Variants in OGDH observed in about 807,000 individuals in gnomAD.
The protein encoded by OGDH is oxoglutarate dehydrogenase.
A neutral mutation model predicts 116.6 loss-of-function variants in OGDH; 38 were observed. That is an observed-to-expected ratio of 0.33 (90% CI 0.25 to 0.43). The LOEUF (loss-of-function observed/expected upper bound fraction) is 0.43. Ranked by LOEUF, OGDH falls within the 20% of genes least tolerant of loss-of-function variation. The probability of loss-of-function intolerance (pLI) is 1.00; values close to 1 mark genes in which losing one functional copy is unlikely to be tolerated. For synonymous variants in OGDH, 488 were observed against 533.3 expected, an observed-to-expected ratio of 0.92 and a Z score of 1.17; for missense variants, 825 against 1,357.2, an observed-to-expected ratio of 0.61 and a Z score of 6.16.
rs372359941 is a variant in OGDH, at chr7:44,624,455, C to A, written c.112C>A (p.Arg38=). The change falls in exon 2 of 23, where the codon CGG becomes AGG. Residue 38 remains arginine (R), a synonymous_variant. Transcript: ENST00000222673. ...PAAARTFQQI[R]CYSAPVAAEP... ...AGCAGCTAGGACATTTCAACAGATT[C>A]GGTGCTATTCTGCACCTGTTGCTGC... 1 of 1,613,600 alleles carries A rather than the reference C, an allele frequency of 6.2e-7. No individual in the cohort carries two copies. Among genetic ancestry groups the A allele is most frequent in the South Asian group, 1.1e-5 (1 of 91,026 alleles).
At chr7:44,679,463 T>C (rs925966489) in intron 9 of OGDH, among the ~76,000 whole-genome samples, 4 of 152,174 alleles carry the variant, frequency 2.6e-5, no homozygotes, top group Admixed American at 6.5e-5. Context: ...TTAAAAATTC[T>C]AGGTTTTGTC....
rs146542100 is a variant in OGDH, at chr7:44,694,244, G to T, written c.1516-180G>T. On this transcript the variant is annotated intron_variant, in intron 11 of 22. Coordinates refer to ENST00000222673, the MANE Select transcript of OGDH (RefSeq NM_002541.4). The surrounding 1 kb of genome is among the most constrained non-coding windows in gnomAD (Gnocchi z 4.2). ...AGGGCCACTCCTCATTGACAGAGCAGCTCTACTGTGTGAAGGAGAGATACA... is the reference window on the plus strand; with the variant it reads ...AGGGCCACTCCTCATTGACAGAGCATCTCTACTGTGTGAAGGAGAGATACA... Among the ~76,000 whole-genome samples, 409 of 152,258 alleles carry T rather than the reference G, an allele frequency of 2.7e-3. 4 individuals are homozygous for T. The highest frequency in any genetic ancestry group is 9.2e-3 in the African/African-American group (383 of 41,562).
chr7:44,672,959 A>G (rs926971534), intron 5 of OGDH, among the ~76,000 whole-genome samples: 1 of 151,842 alleles, frequency 6.6e-6, no homozygotes, highest in South Asian at 2.1e-4. Context: ...GACTTCTAAG[A>G]GCCTGGTGCC....
chr7:44,679,638 G>GT (rs956957787), intron 9 of OGDH, among the ~76,000 whole-genome samples: 3 of 151,886 alleles, frequency 2.0e-5, no homozygotes, highest in African/African-American at 7.3e-5. Flanking sequence ...CAGCGTCCAG[G>GT]TTTTTTTTGC....
intron 5 of OGDH, among the ~76,000 whole-genome samples, chr7:44,670,424 A>G (rs1051059619): frequency 2.6e-5 from 4 of 152,030 alleles, no homozygotes; most frequent in Non-Finnish European, 5.9e-5. Flanking sequence ...TGGGTTTGCA[A>G]CTCAGGCATG....
In OGDH at chr7:44,707,833, A is replaced by C; in HGVS notation, c.2952-46A>C. On this transcript the variant is annotated intron_variant, in intron 22 of 22. Coordinates refer to ENST00000222673, the MANE Select transcript of OGDH (RefSeq NM_002541.4). The surrounding 1 kb of genome is among the most constrained non-coding windows in gnomAD (Gnocchi z 5.2). ...ATGCAGCAGAGGGATGGGCTGGGCC[A>C]ACTCAGTGTCCCCTGCCCTCACTGC... 2 of 1,608,598 alleles carry C rather than the reference A, an allele frequency of 1.2e-6. No individual in the cohort carries two copies. Among genetic ancestry groups the C allele is most frequent in the African/African-American group, 2.7e-5 (2 of 74,998 alleles).
At chr7:44,674,848 T>C in intron 7 of OGDH, 1 of 533,222 alleles carries the variant, frequency 1.9e-6, no homozygotes, top group South Asian at 2.2e-5. Context: ...TGTTGGGGTC[T>C]AACCTGGAGG....
intron 1 of OGDH, among the ~76,000 whole-genome samples, chr7:44,622,564 CTT>C (rs1034826733): frequency 7.2e-5 from 11 of 152,158 alleles, no homozygotes; most frequent in African/African-American, 2.2e-4. Context: ...AGCCCTCTCT[CTT>C]GGTGTCCCTT....
chr7:44,674,046 G>C lies in OGDH; in HGVS notation c.788+105G>C. 4 of 1,325,644 alleles carry C rather than the reference G, an allele frequency of 3.0e-6. No individual in the cohort carries two copies. The South Asian group carries it at 5.3e-5, about 18-fold the overall frequency. 82.1% of individuals were successfully genotyped at this position (1,325,644 alleles called of 1,614,324 possible). On this transcript the variant is annotated intron_variant, in intron 6 of 22. Transcript: ENST00000222673. ...CAGCCTGTTGGCCGAGGTGAGAGGG[G>C]GTTTGGGGTGGTACAGGCAAAGCTC... is the stretch of plus-strand genomic sequence containing the variant.
intron 4 of OGDH, among the ~76,000 whole-genome samples, chr7:44,649,981 G>T (rs1786362172): frequency 6.6e-6 from 1 of 152,128 alleles, no homozygotes; most frequent in South Asian, 2.1e-4. Context: ...TACAGAAGTG[G>T]CCCTAAAGCT....
intron 10 of OGDH, among the ~76,000 whole-genome samples, chr7:44,689,401 T>C (rs1305267737): frequency 4.4e-5 from 6 of 137,930 alleles, no homozygotes; most frequent in Admixed American, 7.2e-5. Flanking sequence ...TCTTTTTTTT[T>C]TTTTTTTTTT....
chr7:44,636,034 C>T (rs548070089), intron 2 of OGDH, among the ~76,000 whole-genome samples: 14 of 152,312 alleles, frequency 9.2e-5, no homozygotes, highest in African/African-American at 3.1e-4. Flanking sequence ...GCTGCAAATG[C>T]AGGACCATCA....
At chr7:44,685,216 A>G in intron 10 of OGDH, among the ~76,000 whole-genome samples, 1 of 152,212 alleles carries the variant, frequency 6.6e-6, no homozygotes, top group East Asian at 1.9e-4. Flanking sequence ...CATCTCCAAA[A>G]CTGTTTCGTC....
rs1317570502 is a variant in OGDH, at chr7:44,707,706, G to A, written c.2921G>A (p.Arg974Gln). The change falls in exon 22 of 23, where the codon CGG (arginine) becomes CAG (glutamine). Residue 974 changes from arginine to glutamine, a missense_variant. Physicochemically the swap from Arg to Gln is conservative, Grantham distance 43. This residue lies in a region of OGDH where 212 missense variants were observed against 284.3 expected (regional missense o/e 0.75). Coordinates refer to ENST00000222673, the MANE Select transcript of OGDH (RefSeq NM_002541.4). This position sits in a 1 kb window ranked among gnomAD's most constrained non-coding sequence, Gnocchi z 5.2. ...GYYDYVKPRLRTTISRAKPVW... is the reference protein window; with the variant it reads ...GYYDYVKPRLQTTISRAKPVW... ...TATGACTACGTGAAGCCAAGACTTC[G>A]GACCACCATCAGCCGCGCCAAGCCC... The A allele has an allele frequency of 3.7e-6, 6 of 1,614,154 alleles. No homozygotes were observed. The highest frequency in any genetic ancestry group is 5.1e-6 in the Non-Finnish European group (6 of 1,180,032).
chr7:44,609,317 A>G (rs937906929), intron 1 of OGDH, among the ~76,000 whole-genome samples: 1 of 142,638 alleles, frequency 7.0e-6, no homozygotes, highest in African/African-American at 2.6e-5. Context: ...AGTCTGAGGA[A>G]CATAGTGAGA....
intron 1 of OGDH, among the ~76,000 whole-genome samples, chr7:44,615,425 C>CTA (rs1784733544): frequency 6.6e-6 from 1 of 152,104 alleles, no homozygotes; most frequent in Admixed American, 6.6e-5. Context: ...AATCCAGACT[C>CTA]CCTACCTGGT....
At chr7:44,610,887 C>T (rs1268104245) in intron 1 of OGDH, among the ~76,000 whole-genome samples, 3 of 152,134 alleles carry the variant, frequency 2.0e-5, no homozygotes, top group Non-Finnish European at 2.9e-5. Context: ...GGATTACAGG[C>T]GTGAGCCACC....
At chr7:44,636,882 C>G (rs942597175) in intron 2 of OGDH, among the ~76,000 whole-genome samples, 1 of 152,118 alleles carries the variant, frequency 6.6e-6, no homozygotes, top group Admixed American at 6.5e-5. Flanking sequence ...ATCTCAGCAA[C>G]AAGTTGATGA....
At chr7:44,616,781 A>G (rs995318164) in intron 1 of OGDH, among the ~76,000 whole-genome samples, 1 of 142,970 alleles carries the variant, frequency 7.0e-6, no homozygotes, top group African/African-American at 2.6e-5. Context: ...ATATGTGTAT[A>G]TGCATATATA....
Sources: gnomAD v4.1 joint callset for allele counts (sites outside exome capture counted in the v4.1 genomes callset) on GRCh38, gnomAD v4.1.1 for gene constraint, gnomAD v4.1.1 regional missense constraint, Gnocchi (gnomAD v3.1) non-coding constraint, MANE v1.5 for transcripts, NCBI Gene and HGNC (gene_info 2026-07-23, HGNC 2026-07-21) for gene names.